The following LRP1 variants were observed in gnomAD, a reference collection of about 807,000 sequenced individuals.
The protein encoded by LRP1 is prolow-density lipoprotein receptor-related protein 1.
A neutral mutation model predicts 541.5 loss-of-function variants in LRP1; 51 were observed. The observed-to-expected ratio is 0.09, with a 90% CI of 0.08 to 0.12. LRP1 has a LOEUF of 0.12. Ranked by LOEUF, LRP1 falls within the 10% of genes least tolerant of loss-of-function variation. The pLI is 1.00. For synonymous variants in LRP1, 2,219 were observed against 2,470.8 expected (o/e 0.90, Z 3.02); for missense variants, 3,878 against 6,376.2 (o/e 0.61, Z 13.34).
At position 57,158,348 on chromosome 12, in the gene LRP1, G is replaced by A. The variant is rs2035661841; in HGVS notation, c.1562-54G>A. ...AGCCCCTTGGCCGCAGCCCCTGGGT[G>A]GGGATGATGGTCATGTGTGTGTCTG... On this transcript the variant is annotated intron_variant, in intron 10 of 88. Transcript: ENST00000243077. The surrounding 1 kb of genome is among the most constrained non-coding windows in gnomAD (Gnocchi z 5.3). 7.0e-7 allele frequency: 1 copy of A among 1,436,532 alleles called. No individual in the cohort carries two copies. Among genetic ancestry groups the A allele is most frequent in the Admixed American group, 1.9e-5 (1 of 54,044 alleles). The allele number at this position is 1,436,532 out of a possible 1,614,324, so 89.0% of individuals were successfully genotyped here.
At chr12:57,170,714 A>G (rs2035928917) in intron 20 of LRP1, among the ~76,000 whole-genome samples, 1 of 152,148 alleles carries the variant, frequency 6.6e-6, no homozygotes, top group Non-Finnish European at 1.5e-5. Flanking sequence ...CCAGCTACTC[A>G]GAAGGCTGAG....
Position 57,156,665 on chromosome 12 carries a change from T to C in LRP1, c.1418-112T>C. 8.0e-7 allele frequency: 1 copy of C among 1,254,072 alleles called. No homozygotes were observed. Among genetic ancestry groups the C allele is most frequent in the Non-Finnish European group, 1.1e-6 (1 of 925,276 alleles). 77.7% of individuals were successfully genotyped at this position (1,254,072 alleles called of 1,614,324 possible). ...GTGGCTTCCAAATCCTAAAATGGGA[T>C]AGCAAGCACAAAGACCACAGCAGCA... is the stretch of plus-strand genomic sequence containing the variant. On this transcript the variant is annotated intron_variant, in intron 9 of 88. Coordinates refer to ENST00000243077, the MANE Select transcript of LRP1 (RefSeq NM_002332.3). The surrounding 1 kb of genome is among the most constrained non-coding windows in gnomAD (Gnocchi z 5.2).
chr12:57,195,317 C>T lies in LRP1; in HGVS notation c.8355C>T (p.His2785=), dbSNP rs867553523. 3.1e-6 allele frequency: 5 copies of T among 1,613,656 alleles called. No homozygotes were observed. Among genetic ancestry groups the T allele is most frequent in the Admixed American group, 3.3e-5 (2 of 60,028 alleles). ...GPSSFSCPGT[H]VCVPERWLCD... ...CCTCCTTCTCCTGCCCTGGCACCCA[C>T]GTGTGCGTCCCCGAGCGCTGGCTCT... The change falls in exon 52 of 89, where the codon CAC becomes CAT. Residue 2785 remains histidine (H), a synonymous_variant. Coordinates refer to ENST00000243077, the MANE Select transcript of LRP1 (RefSeq NM_002332.3).
chr12:57,160,990 G>A lies in LRP1; in HGVS notation c.2077G>A (p.Val693Ile). 1 of 1,614,008 alleles carries A rather than the reference G, an allele frequency of 6.2e-7. No homozygotes were observed. Among genetic ancestry groups the A allele is most frequent in the Non-Finnish European group, 8.5e-7 (1 of 1,180,026 alleles). The change falls in exon 13 of 89, where the codon GTC (valine) becomes ATC (isoleucine). Residue 693 changes from valine (V) to isoleucine (I), a missense_variant. By Grantham distance (29) the Val-to-Ile change is conservative (BLOSUM62 3). Around this residue, in one of 13 missense-constraint regions of LRP1, gnomAD observed 496 missense variants for 861.0 expected, o/e 0.58. Transcript: ENST00000243077. ...GGATGGCTCACACCGAGACATCTTT[G>A]TCACCTCCAAGACAGTGCTTTGGCC... ...WMDGSHRDIF[V>I]TSKTVLWPNG...
chr12:57,132,846 T>C (rs897317813), intron 1 of LRP1, among the ~76,000 whole-genome samples: 7 of 152,164 alleles, frequency 4.6e-5, no homozygotes, highest in African/African-American at 1.7e-4. Context: ...CTCTCTGGGC[T>C]TTCCCACTCA....
chr12:57,158,683 G>A lies in LRP1; in HGVS notation c.1798+45G>A, dbSNP rs2035671048. On this transcript the variant is annotated intron_variant, in intron 11 of 88. Coordinates refer to ENST00000243077, the MANE Select transcript of LRP1 (RefSeq NM_002332.3). This position sits in a 1 kb window ranked among gnomAD's most constrained non-coding sequence, Gnocchi z 5.3. ...TGGCCCATGGGGATGGAAGGGGGCT[G>A]GGGCCCAGGCATCTGTTTCTCGGTG... 8 of 1,561,998 alleles carry A rather than the reference G, an allele frequency of 5.1e-6. No individual in the cohort carries two copies. The highest frequency in any genetic ancestry group is 7.0e-6 in the Non-Finnish European group (8 of 1,134,828).
At chr12:57,186,660 G>A (rs1038930590) in intron 41 of LRP1, among the ~76,000 whole-genome samples, 2 of 152,174 alleles carry the variant, frequency 1.3e-5, no homozygotes, top group Admixed American at 6.5e-5. Context: ...CTCCATGCTC[G>A]TAGCTTGATC....
rs146573053 is a variant in LRP1, at chr12:57,204,635, G to A, written c.11080G>A (p.Val3694Met). Residue 3694 changes from valine to methionine, a missense_variant, in exon 72 of 89, where the codon GTG becomes ATG. Coordinates refer to ENST00000243077, the MANE Select transcript of LRP1 (RefSeq NM_002332.3). This position sits in a 1 kb window ranked among gnomAD's most constrained non-coding sequence, Gnocchi z 5.3. ...CCCCCTGGCTGCTGCAGCCCGGTTC[G>A]TGTGCCCTCCCAACCGGCCCTTCCG... ...DENPEECARFVCPPNRPFRCK... is the reference protein window; with the variant it reads ...DENPEECARFMCPPNRPFRCK... 143 of 1,613,754 alleles carry A rather than the reference G, an allele frequency of 8.9e-5. No homozygotes were observed. Among genetic ancestry groups the A allele is most frequent in the Non-Finnish European group, 1.1e-4 (128 of 1,180,012 alleles).
chr12:57,163,592 A>G (rs1195208508), intron 15 of LRP1, among the ~76,000 whole-genome samples: 2 of 151,884 alleles, frequency 1.3e-5, no homozygotes, highest in African/African-American at 4.8e-5. Flanking sequence ...AAAAAAAAAA[A>G]TTAACATTAA....
rs1417460668 is a variant in LRP1 at position 57,212,054 on chromosome 12, T to C, written c.13349+37T>C. Reference sequence around the variant, plus strand: ...GGATTCTGGAACATTCTGGTCATTATTTTGCCATCCTAGCCTTCCCCCCCA... The same window carrying C: ...GGATTCTGGAACATTCTGGTCATTACTTTGCCATCCTAGCCTTCCCCCCCA... On this transcript the variant is annotated intron_variant, in intron 87 of 88. Coordinates refer to ENST00000243077, the MANE Select transcript of LRP1 (RefSeq NM_002332.3). This position sits in a 1 kb window ranked among gnomAD's most constrained non-coding sequence, Gnocchi z 5.0. 1 of 1,613,536 alleles carries C rather than the reference T, an allele frequency of 6.2e-7. No individual in the cohort carries two copies. The highest frequency in any genetic ancestry group is 1.3e-5 in the African/African-American group (1 of 74,904).
Position 57,162,382 on chromosome 12 carries a change from C to T in LRP1, c.2268C>T (p.Phe756=), listed in dbSNP as rs1362453600. 3 of 1,614,110 alleles carry T rather than the reference C, an allele frequency of 1.9e-6. No individual in the cohort carries two copies. The highest frequency in any genetic ancestry group is 4.5e-5 in the East Asian group (2 of 44,902). Residue 756 remains phenylalanine, a synonymous_variant, in exon 14 of 89, where the codon TTC becomes TTT. Transcript: ENST00000243077. The surrounding 1 kb of genome is among the most constrained non-coding windows in gnomAD (Gnocchi z 5.2). ...TGTGTCACCATGGCAACTACCTCTT[C>T]TGGACTGAGTATCGGAGTGGCAGTG... is the stretch of plus-strand genomic sequence containing the variant. ...FGLCHHGNYL[F]WTEYRSGSVY...
intron 47 of LRP1, 52 bp downstream of exon 47, chr12:57,193,737 C>T: frequency 6.2e-7 from 1 of 1,613,636 alleles, no homozygotes; most frequent in Admixed American, 1.7e-5. Context: ...CCTGCCCCAC[C>T]CCTCCCTGGC....
At chr12:57,130,628 T>TGA (rs976092768) in intron 1 of LRP1, among the ~76,000 whole-genome samples, 1 of 151,504 alleles carries the variant, frequency 6.6e-6, no homozygotes, top group Non-Finnish European at 1.5e-5. Flanking sequence ...AAAAAAAATT[T>TGA]GAGAGAGAGA....
intron 77 of LRP1, 134 bp downstream of exon 77, chr12:57,208,350 G>T (rs754011254): frequency 1.2e-5 from 12 of 966,424 alleles, no homozygotes; most frequent in Non-Finnish European, 1.8e-5. Flanking sequence ...CAGTCCCTTG[G>T]GTCTTCTCGG....
intron 48 of LRP1, 90 bp from the exon 49 acceptor site, chr12:57,194,264 A>G: frequency 7.1e-7 from 1 of 1,416,494 alleles, no homozygotes; most frequent in Non-Finnish European, 9.4e-7. Flanking sequence ...ACTTTTGGAA[A>G]CACATGAAGG....
At position 57,154,750 on chromosome 12, in the gene LRP1, C is replaced by T. The variant is rs1427263631; in HGVS notation, c.1227+49C>T. On this transcript the variant is annotated intron_variant, in intron 8 of 88. Transcript: ENST00000243077. The surrounding 1 kb of genome is among the most constrained non-coding windows in gnomAD (Gnocchi z 4.6). Reference sequence around the variant, plus strand: ...TTTGTGGGGGAACCATGATCCAGGGCCTTCTGGTGAGGGGGGAAGCCTCTG... The same window carrying T: ...TTTGTGGGGGAACCATGATCCAGGGTCTTCTGGTGAGGGGGGAAGCCTCTG... 2.7e-6 allele frequency: 4 copies of T among 1,507,164 alleles called. No homozygotes were observed. Among genetic ancestry groups the T allele is most frequent in the Non-Finnish European group, 3.6e-6 (4 of 1,107,518 alleles). The allele number at this position is 1,507,164 out of a possible 1,614,324, so 93.4% of individuals were successfully genotyped here.
chr12:57,166,922 C>G lies in LRP1; in HGVS notation c.2798-8C>G. The G allele has an allele frequency of 4.1e-6, 6 of 1,458,262 alleles. No homozygotes were observed. The highest frequency in any genetic ancestry group is 4.8e-6 in the Non-Finnish European group (5 of 1,038,618). 90.3% of individuals were successfully genotyped at this position (1,458,262 alleles called of 1,614,324 possible). A position where few individuals can be genotyped will look rare whatever the true frequency, so the allele number is the denominator to read the frequency against. ...CAATGAGTACTCACACCCATCCCTG[C>G]CCCCCAGCCCGCACCTGCCCCCCCA... On this transcript the variant is annotated splice_polypyrimidine_tract_variant and splice_region_variant and intron_variant, in intron 17 of 88. Coordinates refer to ENST00000243077, the MANE Select transcript of LRP1 (RefSeq NM_002332.3).
chr12:57,205,775 C>A lies in LRP1; in HGVS notation c.11590+98C>A. 1 of 1,518,016 alleles carries A rather than the reference C, an allele frequency of 6.6e-7. No individual in the cohort carries two copies. The highest frequency in any genetic ancestry group is 1.9e-5 in the Admixed American group (1 of 53,572). The allele number at this position is 1,518,016 out of a possible 1,614,324, so 94.0% of individuals were successfully genotyped here. A position where few individuals can be genotyped will look rare whatever the true frequency, so the allele number is the denominator to read the frequency against. ...GAATGGAATGTCTTCCTGCGGACAT[C>A]TTGCCCAGACAAGAAGCCCCAGACT... On this transcript the variant is annotated intron_variant, in intron 75 of 88. Transcript: ENST00000243077. The surrounding 1 kb of genome is among the most constrained non-coding windows in gnomAD (Gnocchi z 4.6).
At position 57,189,860 on chromosome 12, in the gene LRP1, C is replaced by T. The variant is rs2036341847; in HGVS notation, c.7032-945C>T. Among the ~76,000 whole-genome samples the T allele has an allele frequency of 6.6e-6, 1 of 152,102 alleles. No homozygotes were observed. On this transcript the variant is annotated intron_variant, in intron 42 of 88. Coordinates refer to ENST00000243077, the MANE Select transcript of LRP1 (RefSeq NM_002332.3). The surrounding 1 kb of genome is among the most constrained non-coding windows in gnomAD (Gnocchi z 4.4). ...GTCCCCTGCCCCGCCCTGGGCCTAGCTGAGTGACAAGCTCTGGGACCGAGG... is the reference window on the plus strand; with the variant it reads ...GTCCCCTGCCCCGCCCTGGGCCTAGTTGAGTGACAAGCTCTGGGACCGAGG...
Sources: allele counts gnomAD v4.1 joint callset (sites outside exome capture counted in the v4.1 genomes callset), GRCh38; gene constraint gnomAD v4.1.1; regional missense constraint gnomAD v4.1.1; non-coding constraint Gnocchi (gnomAD v3.1); transcripts MANE v1.5; gene names NCBI Gene and HGNC (gene_info 2026-07-23, HGNC 2026-07-21).